TUBB8B: variants seen among roughly 807,000 people sequenced by gnomAD.
The protein encoded by TUBB8B is HSA18p11 beta-tubulin 4Q pseudogene.
In TUBB8B, 26 loss-of-function variants were observed where a neutral mutation model predicts 31.9. That is an observed-to-expected ratio of 0.81 (90% CI 0.60 to 1.13). TUBB8B has a LOEUF of 1.13. Ranked by LOEUF, TUBB8B falls within the 50% of genes most tolerant of loss-of-function variation. The pLI is 0.00. For missense variants in TUBB8B, 467 were observed against 586.7 expected (o/e 0.80, Z 2.11); for synonymous variants, 173 against 231.0 (o/e 0.75, Z 2.28).
At chr18:57,113 C>G in the TUBB8B span, among the ~76,000 whole-genome samples, 2 of 151,770 alleles carry the variant, frequency 1.3e-5, no homozygotes, top group Non-Finnish European at 2.9e-5. Context: ...GAACACACAC[C>G]TAAACTATAT....
chr18:64,056 TAACCCC>T, the TUBB8B span, among the ~76,000 whole-genome samples: 1 of 149,294 alleles, frequency 6.7e-6, no homozygotes, highest in Non-Finnish European at 1.5e-5. Context: ...CCTAAAACCC[TAACCCC>T]AACCCCAACA....
chr18:59,732 T>C, the TUBB8B span, among the ~76,000 whole-genome samples: 1 of 151,484 alleles, frequency 6.6e-6, no homozygotes, highest in Non-Finnish European at 1.5e-5. Flanking sequence ...TTAGTAGAGA[T>C]GGGGTTTTGC....
the TUBB8B span, among the ~76,000 whole-genome samples, chr18:67,544 G>A: frequency 6.6e-6 from 1 of 152,106 alleles, no homozygotes; most frequent in African/African-American, 2.4e-5. Flanking sequence ...GTCTGGCTAT[G>A]GTGCCCAGCT....
At chr18:51,570 G>A (rs1906107143), upstream of TUBB8B, among the ~76,000 whole-genome samples, 1 of 152,008 alleles carries the variant, frequency 6.6e-6, no homozygotes, top group Non-Finnish European at 1.5e-5. Context: ...CTCCCGAGTA[G>A]CTGGGATTAC....
rs780446921 is a variant in TUBB8B at position 47,631 on chromosome 18, G to A, written c.1094C>T (p.Ala365Val). The A allele has an allele frequency of 5.3e-6, 8 of 1,519,806 alleles. No individual in the cohort carries two copies. The highest frequency in any genetic ancestry group is 9.1e-7 in the Non-Finnish European group (1 of 1,099,370). 94.1% of individuals were successfully genotyped at this position (1,519,806 alleles called of 1,614,324 possible). ...DIPPRGLKMS[A>V]TFIGNNAAIQ... ...GGCCGCATTATTCCCAATGAAGGTG[G>A]CTGACATTTTTAGCCCCCGGGGTGG... Residue 365 changes from alanine to valine, a missense_variant, in exon 4 of 4, where the codon GCC (alanine) becomes GTC (valine). This residue lies in a region of TUBB8B where 208 missense variants were observed against 206.7 expected (regional missense o/e 1.01). Coordinates refer to ENST00000308911, the MANE Select transcript of TUBB8B (RefSeq NM_001358689.2).
At chr18:73,031 C>A in the TUBB8B span, among the ~76,000 whole-genome samples, 1 of 152,146 alleles carries the variant, frequency 6.6e-6, no homozygotes, top group African/African-American at 2.4e-5. Flanking sequence ...CGACCTCAGG[C>A]TGTGGCGCCT....
upstream of TUBB8B, chr18:49,872 T>A: frequency 1.9e-6 from 1 of 536,076 alleles, no homozygotes; most frequent in Non-Finnish European, 3.5e-6. Flanking sequence ...TGAAACTGAA[T>A]TTTCCTCCCA....
the TUBB8B span, among the ~76,000 whole-genome samples, chr18:65,289 G>A: frequency 4.6e-5 from 7 of 151,888 alleles, no homozygotes; most frequent in African/African-American, 1.7e-4. Flanking sequence ...TGACAAGAGT[G>A]AGACTCTGTC....
At chr18:59,286 G>A in the TUBB8B span, among the ~76,000 whole-genome samples, 1 of 151,694 alleles carries the variant, frequency 6.6e-6, no homozygotes, top group Non-Finnish European at 1.5e-5. Flanking sequence ...GATTGCTCCA[G>A]ATAGGAATTT....
chr18:50,780 T>C (rs1055597681), upstream of TUBB8B, among the ~76,000 whole-genome samples: 4 of 152,100 alleles, frequency 2.6e-5, no homozygotes, highest in African/African-American at 4.8e-5. Flanking sequence ...ACAAGCTTCA[T>C]TGGCCCTTTC....
At chr18:58,977 G>A in the TUBB8B span, among the ~76,000 whole-genome samples, 68 of 151,808 alleles carry the variant, frequency 4.5e-4, no homozygotes, top group African/African-American at 1.6e-3. Context: ...CAAAAAAACA[G>A]AGGGGCAAGT....
In TUBB8B at chr18:48,352, C is replaced by T. The variant is rs1484731717; in HGVS notation, c.373G>A (p.Glu125Lys). 1.9e-6 allele frequency: 3 copies of T among 1,611,210 alleles called. No homozygotes were observed. The highest frequency in any genetic ancestry group is 2.5e-6 in the Non-Finnish European group (3 of 1,177,674). The change falls in exon 4 of 4, where the codon GAG (glutamate) becomes AAG (lysine). Residue 125 changes from glutamate to lysine, a missense_variant. Glu to Lys is a moderately conservative substitution (Grantham distance 56, BLOSUM62 1). Around this residue, in one of 2 missense-constraint regions of TUBB8B, gnomAD observed 259 missense variants for 380.1 expected, o/e 0.68. Transcript: ENST00000308911. ...SVMDVVRKEA[E>K]SCDCLQGFQL... is the part of the protein sequence containing the mutation. ...AAACCCTGCAGGCAGTCACAGCTCT[C>T]AGCCTCCTTTCTGACAACGTCCATC...
chr18:62,999 G>A, the TUBB8B span, among the ~76,000 whole-genome samples: 902 of 151,498 alleles, frequency 6.0e-3, 19 homozygotes, highest in Non-Finnish European at 9.0e-3. Context: ...TTTCAATCTC[G>A]TTAAATTTAT....
chr18:53,661 G>A (rs1906194714), upstream of TUBB8B, among the ~76,000 whole-genome samples: 2 of 151,734 alleles, frequency 1.3e-5, no homozygotes, highest in African/African-American at 4.8e-5. Flanking sequence ...TAGAAATGGG[G>A]TTTCATTCTG....
intron 3 of TUBB8B, 53 bp downstream of exon 3, chr18:48,887 T>C: frequency 1.5e-6 from 2 of 1,293,512 alleles, no homozygotes; most frequent in Non-Finnish European, 2.3e-6. Context: ...CACTCCTGGA[T>C]TTTGAGCTGC....
In TUBB8B at chr18:49,171, G is replaced by T; in HGVS notation, c.124C>A (p.Leu42Met). 6.5e-7 allele frequency: 1 copy of T among 1,543,532 alleles called. No homozygotes were observed. Among genetic ancestry groups the T allele is most frequent in the East Asian group, 2.5e-5 (1 of 40,442 alleles). Reference protein sequence around the residue: ...SAGTYHGDSHLQLERINVHHH... With the variant: ...SAGTYHGDSHMQLERINVHHH... ...TGCACGTTGATGCGCTCCAGCTGCA[G>T]GTGGCTGTCCCCGTGGTAGGTGCCA... is the stretch of plus-strand genomic sequence containing the variant. The change falls in exon 2 of 4, where the codon CTG becomes ATG. Residue 42 changes from leucine to methionine, a missense_variant. Leu to Met is a conservative substitution (Grantham distance 15). Around this residue, in one of 2 missense-constraint regions of TUBB8B, gnomAD observed 259 missense variants for 380.1 expected, o/e 0.68. Transcript: ENST00000308911.
the TUBB8B span, among the ~76,000 whole-genome samples, chr18:58,991 TACAC>T: frequency 6.6e-6 from 1 of 151,662 alleles, no homozygotes; most frequent in East Asian, 1.9e-4. Context: ...GGCAAGTTGT[TACAC>T]ACTTTTAAAT....
the TUBB8B span, among the ~76,000 whole-genome samples, chr18:57,755 T>C: frequency 6.6e-6 from 1 of 151,912 alleles, no homozygotes; most frequent in South Asian, 2.1e-4. Context: ...GTAGAGGTTC[T>C]CCATGAGGGC....
the TUBB8B span, among the ~76,000 whole-genome samples, chr18:56,097 T>G: frequency 1.2e-4 from 18 of 151,916 alleles, no homozygotes; most frequent in African/African-American, 4.3e-4. Context: ...ACTGTCTTGT[T>G]TTTTGTTGTA....
Sources: allele counts gnomAD v4.1 joint callset (sites outside exome capture counted in the v4.1 genomes callset), GRCh38; gene constraint gnomAD v4.1.1; regional missense constraint gnomAD v4.1.1; transcripts MANE v1.5; gene names NCBI Gene and HGNC (gene_info 2026-07-23, HGNC 2026-07-21).